NLRP5: variants seen among roughly 807,000 people sequenced by gnomAD.
NLRP5 encodes NACHT, LRR and PYD domains-containing protein 5.
NLRP5 carries 93 observed loss-of-function variants against 113.1 expected under a neutral mutation model. That is an observed-to-expected ratio of 0.82 (90% CI 0.70 to 0.98). The LOEUF (loss-of-function observed/expected upper bound fraction) is 0.98, where lower values mean the gene tolerates loss of function less well. NLRP5 is among the 50% of genes least tolerant of loss of function. The probability of loss-of-function intolerance (pLI) is 0.00; values close to 1 mark genes in which losing one functional copy is unlikely to be tolerated. For missense variants in NLRP5, 1,808 were observed against 1,514.3 expected (o/e 1.19, Z -3.22); for synonymous variants, 751 against 600.7 (o/e 1.25, Z -3.66).
the NLRP5 span, among the ~76,000 whole-genome samples, chr19:55,989,684 A>G: frequency 0.42 from 63,340 of 152,012 alleles, 13,468 homozygotes; most frequent in East Asian, 0.54. Context: ...CGTGTATGGC[A>G]TTAAGAGCCT....
chr19:55,997,501 G>A (rs76949813), upstream of NLRP5, among the ~76,000 whole-genome samples: 8,202 of 152,024 alleles, frequency 0.054, 251 homozygotes, highest in Middle Eastern at 0.095. Context: ...TTCAATTCTC[G>A]GAATAGTTTG....
At chr19:56,002,278 T>C (rs1185285613) in intron 1 of NLRP5, among the ~76,000 whole-genome samples, 2 of 152,176 alleles carry the variant, frequency 1.3e-5, no homozygotes, top group African/African-American at 4.8e-5. Flanking sequence ...GTATGTATAT[T>C]ATCTAGATAT....
At chr19:56,005,359 T>TTATATATACACATATATATTTA (rs1350302211) in intron 2 of NLRP5, among the ~76,000 whole-genome samples, 2 of 144,762 alleles carry the variant, frequency 1.4e-5, no homozygotes, top group Non-Finnish European at 3.0e-5. Context: ...ACATATATTT[T>TTATATATACACATATATATTTA]TATATACACA....
chr19:56,007,934 T>TACAAGACAG (rs1982008388), intron 2 of NLRP5, among the ~76,000 whole-genome samples: 1 of 129,138 alleles, frequency 7.7e-6, no homozygotes, highest in African/African-American at 3.3e-5. Flanking sequence ...TGTGTGTGTG[T>TACAAGACAG]TTGAAACAGA....
intron 4 of NLRP5, among the ~76,000 whole-genome samples, chr19:56,016,154 A>G (rs1487002394): frequency 6.6e-6 from 1 of 151,886 alleles, no homozygotes; most frequent in Non-Finnish European, 1.5e-5. Context: ...TTTTATTTTT[A>G]CTTATTTATT....
At chr19:56,017,595 T>C (rs1982457162) in intron 4 of NLRP5, among the ~76,000 whole-genome samples, 1 of 152,228 alleles carries the variant, frequency 6.6e-6, no homozygotes, top group South Asian at 2.1e-4. Flanking sequence ...ATTTCTAATC[T>C]TATTTCATTG....
rs535225662 is a variant in NLRP5, at chr19:56,055,691, G to C, written c.3299+1883G>C. Reference sequence around the variant, plus strand: ...CTCCCAAGTAGCTGGGACTACAGGTGCCCGCCACCACGCCCGGCTAATTTT... The same window carrying C: ...CTCCCAAGTAGCTGGGACTACAGGTCCCCGCCACCACGCCCGGCTAATTTT... On this transcript the variant is annotated intron_variant, in intron 13 of 14. Transcript: ENST00000390649. Among the ~76,000 whole-genome samples the C allele has an allele frequency of 7.3e-5, 11 of 151,380 alleles. No individual in the cohort carries two copies. In the East Asian group the frequency reaches 9.8e-4, roughly 13 times the overall value.
At chr19:56,006,800 C>T (rs187713126) in intron 2 of NLRP5, among the ~76,000 whole-genome samples, 65 of 151,676 alleles carry the variant, frequency 4.3e-4, no homozygotes, top group Admixed American at 2.9e-3. Flanking sequence ...AGTGCAGTGG[C>T]GCAATCTCGG....
At position 56,001,786 on chromosome 19, in the gene NLRP5, T is replaced by C. The variant is rs77232170; in HGVS notation, c.63-1930T>C. Among the ~76,000 whole-genome samples the C allele has an allele frequency of 9.4e-3, 1,429 of 152,276 alleles. 40 individuals are homozygous for C. Among genetic ancestry groups the C allele is most frequent in the East Asian group, 0.064 (333 of 5,184 alleles). On this transcript the variant is annotated intron_variant, in intron 1 of 14. Transcript: ENST00000390649. ...ATGTACAGATGTCAAGCAAGGGTGA[T>C]CTCACACCAATACCGCCCCTCAGAC...
At chr19:56,010,983 G>A (rs1030637181) in intron 3 of NLRP5, among the ~76,000 whole-genome samples, 8 of 151,526 alleles carry the variant, frequency 5.3e-5, no homozygotes, top group Non-Finnish European at 7.4e-5. Flanking sequence ...AAGACCCGAC[G>A]TCTACCAAAA....
intron 9 of NLRP5, among the ~76,000 whole-genome samples, chr19:56,036,717 G>A (rs1245639508): frequency 6.6e-6 from 1 of 152,116 alleles, no homozygotes; most frequent in Non-Finnish European, 1.5e-5. Context: ...AGAACTCTGG[G>A]AGGCTGAGGC....
intron 11 of NLRP5, among the ~76,000 whole-genome samples, chr19:56,045,507 C>G (rs1983688754): frequency 6.6e-6 from 1 of 151,756 alleles, no homozygotes; most frequent in Non-Finnish European, 1.5e-5. Flanking sequence ...TTGGTATGCA[C>G]CCATTAACTC....
At chr19:55,996,852 G>A (rs1981341765), upstream of NLRP5, among the ~76,000 whole-genome samples, 1 of 152,182 alleles carries the variant, frequency 6.6e-6, no homozygotes. Flanking sequence ...TATATACCCA[G>A]TAATGAGATG....
intron 6 of NLRP5, among the ~76,000 whole-genome samples, chr19:56,022,285 T>C (rs1397956570): frequency 1.3e-5 from 2 of 152,176 alleles, no homozygotes; most frequent in Non-Finnish European, 2.9e-5. Context: ...AGTGGCACAA[T>C]CACAGCTCAC....
intron 3 of NLRP5, among the ~76,000 whole-genome samples, chr19:56,010,088 G>GC (rs894531117): frequency 6.6e-6 from 1 of 152,190 alleles, no homozygotes. Flanking sequence ...CCTGACAAAA[G>GC]CCGGGGGTCT....
chr19:56,011,103 T>C (rs1044742439), intron 3 of NLRP5, among the ~76,000 whole-genome samples: 3 of 151,846 alleles, frequency 2.0e-5, no homozygotes, highest in Non-Finnish European at 2.9e-5. Context: ...CATTGAGCCA[T>C]GATTGTGTCA....
In NLRP5 at chr19:56,061,749, A is replaced by G. The variant is rs1454443583; in HGVS notation, c.*221A>G. 1.7e-5 allele frequency: 9 copies of G among 526,840 alleles called. No individual in the cohort carries two copies. Among genetic ancestry groups the G allele is most frequent in the Non-Finnish European group, 3.0e-5 (9 of 297,254 alleles). 32.6% of individuals were successfully genotyped at this position (526,840 alleles called of 1,614,324 possible). On this transcript the variant is annotated 3_prime_UTR_variant, in exon 15 of 15. Coordinates refer to ENST00000390649, the MANE Select transcript of NLRP5 (RefSeq NM_153447.4). ...CAAGTCATAGGACTCAGTATCTGTG[A>G]AATGTCCGTCATATCTCAGAGCATA...
chr19:56,037,714 A>AAAC (rs200215825), intron 9 of NLRP5, among the ~76,000 whole-genome samples: 1 of 131,672 alleles, frequency 7.6e-6, no homozygotes, highest in Non-Finnish European at 1.6e-5. Context: ...AAAAAAAAAA[A>AAAC]TGTTGGCTGG....
At chr19:56,060,925 A>G (rs753544789) in intron 14 of NLRP5, among the ~76,000 whole-genome samples, 2 of 152,176 alleles carry the variant, frequency 1.3e-5, no homozygotes, top group Non-Finnish European at 1.5e-5. Flanking sequence ...TCAAGGCAGC[A>G]TTATTATTAG....
Sources: gnomAD v4.1 joint callset for allele counts (sites outside exome capture counted in the v4.1 genomes callset) on GRCh38, gnomAD v4.1.1 for gene constraint, MANE v1.5 for transcripts, NCBI Gene and HGNC (gene_info 2026-07-23, HGNC 2026-07-21) for gene names.